The following DISC1 variants were observed in gnomAD, a reference collection of about 807,000 sequenced individuals.
DISC1 encodes DISC1 scaffold protein.
A neutral mutation model predicts 84.5 loss-of-function variants in DISC1; 57 were observed. The observed-to-expected ratio is 0.67, with a 90% CI of 0.55 to 0.84. The LOEUF (loss-of-function observed/expected upper bound fraction) is 0.84, where lower values mean the gene tolerates loss of function less well. DISC1 is among the 40% of genes least tolerant of loss of function. DISC1 has a pLI of 0.00. For missense variants in DISC1, 1,000 were observed against 1,057.8 expected, an observed-to-expected ratio of 0.95 and a Z score of 0.76; for synonymous variants, 411 against 415.2, an observed-to-expected ratio of 0.99 and a Z score of 0.12.
intron 1 of DISC1, among the ~76,000 whole-genome samples, chr1:231,633,951 T>C (rs912335875): frequency 6.6e-6 from 1 of 151,276 alleles, no homozygotes; most frequent in African/African-American, 2.4e-5. Context: ...TGGCGCAGTC[T>C]TGGCTCACTG....
At chr1:232,004,991 CTCTT>C (rs1394790068) in intron 10 of DISC1, among the ~76,000 whole-genome samples, 2 of 64,264 alleles carry the variant, frequency 3.1e-5, no homozygotes, top group African/African-American at 2.6e-4. Context: ...CATCCTTCTT[CTCTT>C]CTTTCCTTCC....
chr1:232,021,824 C>T (rs149123247), intron 11 of DISC1, among the ~76,000 whole-genome samples: 14 of 152,258 alleles, frequency 9.2e-5, no homozygotes, highest in Non-Finnish European at 2.1e-4. Flanking sequence ...TGTCTCTGCT[C>T]CACAATGTCT....
Position 232,008,805 on chromosome 1 carries a change from G to T in DISC1, c.2063G>T (p.Gly688Val). Reference sequence around the variant, plus strand: ...CTCAGCTGCAAGTGTCCACTGCTTGGGAAAGTGTGGGAAGCTGACTTGGAA... The same window carrying T: ...CTCAGCTGCAAGTGTCCACTGCTTGTGAAAGTGTGGGAAGCTGACTTGGAA... ...KLCSCKCPLL[G>V]KVWEADLEAC... Residue 688 changes from glycine to valine, a missense_variant, in exon 11 of 13, where the codon GGG (glycine) becomes GTG (valine). By Grantham distance (109) the Gly-to-Val change is moderately radical (BLOSUM62 -3). Coordinates refer to ENST00000439617, the MANE Select transcript of DISC1 (RefSeq NM_018662.3). 6.3e-7 allele frequency: 1 copy of T among 1,582,684 alleles called. No individual in the cohort carries two copies. The highest frequency in any genetic ancestry group is 8.6e-7 in the Non-Finnish European group (1 of 1,163,898).
intron 1 of DISC1, among the ~76,000 whole-genome samples, chr1:231,679,691 A>G (rs138027513): frequency 1.3e-5 from 2 of 152,336 alleles, no homozygotes; most frequent in Admixed American, 6.5e-5. Flanking sequence ...AATTCTTTGT[A>G]ATTAGTGTGC....
intron 10 of DISC1, among the ~76,000 whole-genome samples, chr1:231,977,426 C>T (rs1166961371): frequency 6.6e-6 from 1 of 152,208 alleles, no homozygotes; most frequent in Non-Finnish European, 1.5e-5. Flanking sequence ...CACTCCTTGG[C>T]TTGTGGCCCC....
chr1:231,897,776 A>G lies in DISC1; in HGVS notation c.1982-61052A>G, dbSNP rs1302098469. On this transcript the variant is annotated intron_variant, in intron 9 of 12. Transcript: ENST00000439617. The surrounding 1 kb of genome is among the most constrained non-coding windows in gnomAD (Gnocchi z 4.5). The stretch of plus-strand genomic sequence containing the variant: ...AAGAACAGATAGAGCTTTGTCTGTC[A>G]TTTGCTCTTTTTGGGTTAGCTTAAG... Among the ~76,000 whole-genome samples the G allele has an allele frequency of 6.6e-6, 1 of 152,128 alleles. No individual in the cohort carries two copies. The highest frequency in any genetic ancestry group is 1.9e-4 in the East Asian group (1 of 5,196).
chr1:231,805,675 G>T (rs1334073524), intron 8 of DISC1, among the ~76,000 whole-genome samples: 2 of 152,008 alleles, frequency 1.3e-5, no homozygotes, highest in Admixed American at 1.3e-4. Context: ...CCTTCCACTG[G>T]TGCTAAATCA....
Position 231,693,834 on chromosome 1 carries a change from G to A in DISC1, c.76G>A (p.Asp26Asn), listed in dbSNP as rs763133701. 3.1e-6 allele frequency: 5 copies of A among 1,613,472 alleles called. No homozygotes were observed. In the African/African-American group the frequency reaches 6.7e-5, roughly 22 times the overall value. Reference sequence around the variant, plus strand: ...TTTTCTTTTCTTCCCAGGCAGCCGGGATTGCTTACCACCTGCAGCGTGCTT... The same window carrying A: ...TTTTCTTTTCTTCCCAGGCAGCCGGAATTGCTTACCACCTGCAGCGTGCTT... ...GGVSHRAGSR[D>N]CLPPAACFRR... Residue 26 changes from aspartate to asparagine, a missense_variant, in exon 2 of 13, where the codon GAT becomes AAT. This residue lies in a region of DISC1 where 292 missense variants were observed against 280.2 expected (regional missense o/e 1.04). Transcript: ENST00000439617.
At position 232,040,119 on chromosome 1, in the gene DISC1, G is replaced by A. The variant is rs1485462582; in HGVS notation, c.*3288G>A. ...CTATTCTACTGCCTCAGCCTCCCAA[G>A]TAGCTGGGGTTACAGGCATTTGCCA... On this transcript the variant is annotated 3_prime_UTR_variant, in exon 13 of 13. Transcript: ENST00000439617. The A allele has an allele frequency of 6.6e-6, 1 of 152,076 alleles. No individual in the cohort carries two copies. The highest frequency in any genetic ancestry group is 1.5e-5 in the Non-Finnish European group (1 of 68,108). 9.4% of individuals were successfully genotyped at this position (152,076 alleles called of 1,614,324 possible). A position where few individuals can be genotyped will look rare whatever the true frequency, so the allele number is the denominator to read the frequency against.
chr1:231,763,049 A>G (rs1365616942), intron 4 of DISC1, among the ~76,000 whole-genome samples: 2 of 152,168 alleles, frequency 1.3e-5, no homozygotes, highest in African/African-American at 2.4e-5. Context: ...CCCTGCTGAT[A>G]GCCACCAAGA....
At chr1:231,722,966 A>G in intron 3 of DISC1, 3 of 1,185,380 alleles carry the variant, frequency 2.5e-6, no homozygotes, top group South Asian at 1.9e-5. Context: ...GCTATGATTA[A>G]TGTCAGTTAC....
intron 10 of DISC1, among the ~76,000 whole-genome samples, chr1:232,004,887 T>C (rs147076076): frequency 0.32 from 31,289 of 99,026 alleles, 4,577 homozygotes; most frequent in African/African-American, 0.38. Flanking sequence ...CTCCCTCCCT[T>C]CCTTCCTTCC....
At chr1:231,715,105 G>A (rs1261181305) in intron 3 of DISC1, among the ~76,000 whole-genome samples, 2 of 152,198 alleles carry the variant, frequency 1.3e-5, no homozygotes, top group Non-Finnish European at 1.5e-5. Flanking sequence ...GTTAGGTGCT[G>A]ACTCCTTGGA....
chr1:232,021,333 TACACACACACACACACACACAC>T (rs36231584), intron 11 of DISC1, among the ~76,000 whole-genome samples: 141 of 148,242 alleles, frequency 9.5e-4, no homozygotes, highest in African/African-American at 3.4e-3. Flanking sequence ...ACTTGTTCTA[TACACACACACACACACACACAC>T]ACACACACAC....
intron 9 of DISC1, among the ~76,000 whole-genome samples, chr1:231,862,286 T>C (rs148987634): frequency 2.4e-3 from 361 of 152,332 alleles, no homozygotes; most frequent in African/African-American, 8.2e-3. Flanking sequence ...AGAGACGGAA[T>C]GCTGCCTCTG....
At chr1:231,640,387 A>C (rs1334847336) in intron 1 of DISC1, among the ~76,000 whole-genome samples, 1 of 152,178 alleles carries the variant, frequency 6.6e-6, no homozygotes. Flanking sequence ...ATGGGGTTGT[A>C]TTGTTACCCC....
intron 4 of DISC1, among the ~76,000 whole-genome samples, chr1:231,764,635 G>A (rs1558503483): frequency 6.6e-6 from 1 of 152,148 alleles, no homozygotes; most frequent in Admixed American, 6.5e-5. Flanking sequence ...AGGTCCTGAT[G>A]CTGGAGCACG....
Position 232,026,748 on chromosome 1 carries a change from TTTTTTTC to T in DISC1, c.2425+210_2425+216del, listed in dbSNP as rs1244815805. Among the ~76,000 whole-genome samples, 62 of 144,120 alleles carry T rather than the reference TTTTTTTC, an allele frequency of 4.3e-4. 1 individual carries two copies. In the East Asian group the frequency reaches 7.8e-3, roughly 18 times the overall value. 94.5% of individuals were successfully genotyped at this position (144,120 alleles called of 152,430 possible). A position where few individuals can be genotyped will look rare whatever the true frequency, so the allele number is the denominator to read the frequency against. ...TAGTTTTCAGTAAGCAATTCAGTAT[TTTTTTTC>T]TTTTTTCTTTTTTTTTTTTTTTTTT... On this transcript the variant is annotated intron_variant, in intron 12 of 12. Coordinates refer to ENST00000439617, the MANE Select transcript of DISC1 (RefSeq NM_018662.3).
chr1:231,991,515 G>C (rs780596843), intron 10 of DISC1, among the ~76,000 whole-genome samples: 3 of 152,096 alleles, frequency 2.0e-5, no homozygotes, highest in Non-Finnish European at 2.9e-5. Flanking sequence ...ACTTCTGAAG[G>C]GCACTTACTA....
Sources: gnomAD v4.1 joint callset for allele counts (sites outside exome capture counted in the v4.1 genomes callset) on GRCh38, gnomAD v4.1.1 for gene constraint, gnomAD v4.1.1 regional missense constraint, Gnocchi (gnomAD v3.1) non-coding constraint, MANE v1.5 for transcripts, NCBI Gene and HGNC (gene_info 2026-07-23, HGNC 2026-07-21) for gene names.